Variants in PDSS2 observed in about 807,000 individuals in gnomAD.
PDSS2 encodes decaprenyl diphosphate synthase subunit 2.
A neutral mutation model predicts 44.5 loss-of-function variants in PDSS2; 31 were observed. That is an observed-to-expected ratio of 0.70 (90% confidence interval 0.52 to 0.94). PDSS2 has a LOEUF of 0.94. Ranked by LOEUF, PDSS2 falls within the 40% of genes least tolerant of loss-of-function variation. The pLI, the probability that PDSS2 is intolerant of heterozygous loss-of-function variation, is 0.00. For synonymous variants in PDSS2, 157 were observed against 180.3 expected (o/e 0.87, Z 1.03); for missense variants, 452 against 482.2 (o/e 0.94, Z 0.59).
At chr6:107,260,694 G>T (rs372673927) in intron 3 of PDSS2, among the ~76,000 whole-genome samples, 2 of 128,276 alleles carry the variant, frequency 1.6e-5, no homozygotes, top group Non-Finnish European at 1.6e-5. Flanking sequence ...GACGGAGTCT[G>T]GCTCTGACGC....
chr6:107,276,883 G>A (rs1775801958), intron 2 of PDSS2, among the ~76,000 whole-genome samples: 1 of 152,142 alleles, frequency 6.6e-6, no homozygotes. Flanking sequence ...CATGGAGAAA[G>A]GTCCAGCTGT....
intron 4 of PDSS2, among the ~76,000 whole-genome samples, chr6:107,227,910 C>T (rs1235975334): frequency 1.3e-5 from 2 of 152,134 alleles, no homozygotes; most frequent in Non-Finnish European, 2.9e-5. Flanking sequence ...AGCTCCAGAG[C>T]CCAGCAGTGA....
intron 7 of PDSS2, among the ~76,000 whole-genome samples, chr6:107,160,084 C>T (rs947959939): frequency 3.9e-5 from 6 of 152,128 alleles, no homozygotes; most frequent in East Asian, 3.9e-4. Flanking sequence ...GGCATGGTGC[C>T]GTGCACCTGT....
intron 7 of PDSS2, among the ~76,000 whole-genome samples, chr6:107,183,896 A>G (rs1436239777): frequency 6.6e-6 from 1 of 150,908 alleles, no homozygotes; most frequent in East Asian, 1.9e-4. Flanking sequence ...CTCCATCTCA[A>G]AAAAAAAAGA....
chr6:107,162,975 G>A (rs1160821503), intron 7 of PDSS2, among the ~76,000 whole-genome samples: 1 of 152,150 alleles, frequency 6.6e-6, no homozygotes, highest in East Asian at 1.9e-4. Flanking sequence ...ATTGGTTCCA[G>A]AATGGCTTTT....
chr6:107,199,463 G>C (rs987744303), intron 6 of PDSS2, among the ~76,000 whole-genome samples: 5 of 152,124 alleles, frequency 3.3e-5, no homozygotes, highest in African/African-American at 4.8e-5. Context: ...ACCATGCCTG[G>C]TTAATTTTTA....
intron 1 of PDSS2, among the ~76,000 whole-genome samples, chr6:107,363,652 G>A (rs1188152075): frequency 6.6e-6 from 1 of 152,202 alleles, no homozygotes; most frequent in Non-Finnish European, 1.5e-5. Context: ...CCACGGTGTG[G>A]AAGGGGACCC....
chr6:107,297,783 T>C (rs541063587), intron 2 of PDSS2, among the ~76,000 whole-genome samples: 2 of 149,516 alleles, frequency 1.3e-5, no homozygotes, highest in South Asian at 2.2e-4. Context: ...TCTCACTCTG[T>C]TGCCCAGGCT....
chr6:107,236,583 C>T (rs1774233567), intron 4 of PDSS2, among the ~76,000 whole-genome samples: 1 of 152,120 alleles, frequency 6.6e-6, no homozygotes, highest in Non-Finnish European at 1.5e-5. Context: ...TTCTACCATG[C>T]GTTATAAACA....
chr6:107,225,164 T>TTA (rs1773770828), intron 4 of PDSS2, among the ~76,000 whole-genome samples: 1 of 42,978 alleles, frequency 2.3e-5, no homozygotes, highest in Non-Finnish European at 4.0e-5. Context: ...TATATATATT[T>TTA]TTTTTTTTTT....
intron 2 of PDSS2, among the ~76,000 whole-genome samples, chr6:107,287,670 C>T (rs2500555): frequency 0.52 from 79,064 of 151,724 alleles, 21,543 homozygotes; most frequent in Middle Eastern, 0.71. Context: ...TACAGGCATA[C>T]ACCACCACAC....
At chr6:107,262,156 C>T (rs1412603359) in intron 3 of PDSS2, among the ~76,000 whole-genome samples, 7 of 151,572 alleles carry the variant, frequency 4.6e-5, no homozygotes, top group African/African-American at 7.3e-5. Flanking sequence ...GATCTGCCCG[C>T]GCGGCCTCCC....
rs947878488 is a variant in PDSS2 at position 107,412,929 on chromosome 6, T to C, written c.296+46061A>G. ...TAGAGTCCATCCTTACTCCCACTGATATGAGATACTGCTTTTTACCATATC... is the reference window on the plus strand; with the variant it reads ...TAGAGTCCATCCTTACTCCCACTGACATGAGATACTGCTTTTTACCATATC... On this transcript the variant is annotated intron_variant, in intron 1 of 7. Transcript: ENST00000369037. 2.0e-5 allele frequency among the ~76,000 whole-genome samples: 3 copies of C among 152,248 alleles called. No homozygotes were observed. In the East Asian group the frequency reaches 5.8e-4, roughly 29 times the overall value.
chr6:107,276,990 C>T (rs1453080410), intron 2 of PDSS2, among the ~76,000 whole-genome samples: 1 of 152,130 alleles, frequency 6.6e-6, no homozygotes, highest in Non-Finnish European at 1.5e-5. Context: ...AGCCAAACAA[C>T]AGAATTATGA....
intron 1 of PDSS2, among the ~76,000 whole-genome samples, chr6:107,369,450 GA>G (rs1202456058): frequency 1.3e-5 from 2 of 151,652 alleles, no homozygotes; most frequent in Non-Finnish European, 2.9e-5. Context: ...AACTAAAAAA[GA>G]AAAAAGAACA....
intron 2 of PDSS2, among the ~76,000 whole-genome samples, chr6:107,331,050 AAAAAATACC>A (rs1777695470): frequency 6.6e-6 from 1 of 152,166 alleles, no homozygotes; most frequent in Non-Finnish European, 1.5e-5. Context: ...TTTATGAGAG[AAAAAATACC>A]AACAAGGTAA....
chr6:107,293,547 T>C (rs780964036), intron 2 of PDSS2, among the ~76,000 whole-genome samples: 10 of 152,150 alleles, frequency 6.6e-5, no homozygotes, highest in Admixed American at 3.3e-4. Flanking sequence ...ACGAATTGTA[T>C]CCATGGTCTG....
intron 1 of PDSS2, among the ~76,000 whole-genome samples, chr6:107,342,185 C>T (rs1769245414): frequency 6.9e-6 from 1 of 145,730 alleles, no homozygotes; most frequent in Non-Finnish European, 1.5e-5. Context: ...CAGAATAGTT[C>T]TAAAAAAAAA....
In PDSS2 at chr6:107,221,311, C is replaced by T. The variant is rs963181682; in HGVS notation, c.703-9029G>A. Among the ~76,000 whole-genome samples the T allele has an allele frequency of 2.3e-5, 3 of 130,460 alleles. No homozygotes were observed. The Admixed American group carries it at 2.7e-4, about 12-fold the overall frequency. 85.6% of individuals were successfully genotyped at this position (130,460 alleles called of 152,430 possible). On this transcript the variant is annotated intron_variant, in intron 4 of 7. Coordinates refer to ENST00000369037, the MANE Select transcript of PDSS2 (RefSeq NM_020381.4). ...GAGCCGAGACCGCACCATGGCACTC[C>T]AGCCTGGGCGACAGAGTGAGACTCC...
Sources: allele counts gnomAD v4.1 joint callset (sites outside exome capture counted in the v4.1 genomes callset), GRCh38; gene constraint gnomAD v4.1.1; transcripts MANE v1.5; gene names NCBI Gene and HGNC (gene_info 2026-07-23, HGNC 2026-07-21).